The following EXOC4 variants were observed in gnomAD, a reference collection of about 807,000 sequenced individuals.
The protein encoded by EXOC4 is SEC8-like 1.
In EXOC4, 71 loss-of-function variants were observed where a neutral mutation model predicts 107.2. The ratio of observed to expected loss-of-function variants is 0.66; its 90% CI spans 0.55 to 0.81. The LOEUF (loss-of-function observed/expected upper bound fraction) is 0.81, where lower values mean the gene tolerates loss of function less well. Among genes scored for constraint, EXOC4 ranks in the 30% least tolerant of loss-of-function variants. The pLI is 0.00. For missense variants in EXOC4, 1,108 were observed against 1,189.6 expected (o/e 0.93, Z 1.01); for synonymous variants, 456 against 441.2 (o/e 1.03, Z -0.42).
At chr7:133,294,709 C>G (rs1426566922) in intron 3 of EXOC4, among the ~76,000 whole-genome samples, 1 of 151,980 alleles carries the variant, frequency 6.6e-6, no homozygotes, top group Non-Finnish European at 1.5e-5. Flanking sequence ...GTAAATGTGG[C>G]CATATCTGGG....
At chr7:133,445,131 A>G (rs770329534) in intron 7 of EXOC4, among the ~76,000 whole-genome samples, 9 of 152,158 alleles carry the variant, frequency 5.9e-5, no homozygotes, top group Non-Finnish European at 1.3e-4. Context: ...AAAGACAGCA[A>G]TTCTCAAAGT....
At chr7:133,656,938 G>C (rs1803313940) in intron 10 of EXOC4, among the ~76,000 whole-genome samples, 1 of 152,012 alleles carries the variant, frequency 6.6e-6, no homozygotes, top group Non-Finnish European at 1.5e-5. Flanking sequence ...ATGGCACTTA[G>C]GGGAACAAAA....
At chr7:133,409,624 T>TAA (rs1431322926) in intron 7 of EXOC4, among the ~76,000 whole-genome samples, 9 of 152,304 alleles carry the variant, frequency 5.9e-5, no homozygotes, top group Non-Finnish European at 1.2e-4. Context: ...TAAACTTTTC[T>TAA]TACTGTGGAA....
chr7:133,364,261 G>T (rs969448810), intron 6 of EXOC4, among the ~76,000 whole-genome samples: 2 of 151,774 alleles, frequency 1.3e-5, no homozygotes, highest in Non-Finnish European at 2.9e-5. Context: ...CTCCTGAGTA[G>T]TTGGGACTAC....
intron 9 of EXOC4, 104 bp from the exon 10 acceptor site, chr7:133,629,941 A>G (rs1253206323): frequency 4.2e-5 from 31 of 737,986 alleles, no homozygotes; most frequent in African/African-American, 2.1e-4. Flanking sequence ...GTTTGCAAAG[A>G]TGGTCCTAAT....
chr7:133,331,420 C>T (rs1164899551), intron 5 of EXOC4, among the ~76,000 whole-genome samples: 4 of 150,110 alleles, frequency 2.7e-5, no homozygotes, highest in Non-Finnish European at 4.4e-5. Flanking sequence ...TGAAAAACTA[C>T]TTATATTCTG....
intron 10 of EXOC4, among the ~76,000 whole-genome samples, chr7:133,700,274 G>A (rs765079729): frequency 1.3e-5 from 2 of 152,168 alleles, no homozygotes; most frequent in Non-Finnish European, 2.9e-5. Flanking sequence ...TATGTTAACA[G>A]AAGCCCTCTT....
chr7:133,756,482 A>G (rs933015974), intron 10 of EXOC4, among the ~76,000 whole-genome samples: 11 of 152,222 alleles, frequency 7.2e-5, no homozygotes, highest in East Asian at 3.9e-4. Context: ...CTGTGACTCT[A>G]TGATACTCTG....
chr7:133,409,449 A>T (rs536465039), intron 7 of EXOC4, among the ~76,000 whole-genome samples: 3 of 152,320 alleles, frequency 2.0e-5, no homozygotes, highest in South Asian at 4.2e-4. Flanking sequence ...TATGAGAGAC[A>T]GAATATGCTG....
intron 9 of EXOC4, among the ~76,000 whole-genome samples, chr7:133,493,309 C>A (rs371321342): frequency 6.6e-6 from 1 of 152,090 alleles, no homozygotes; most frequent in Non-Finnish European, 1.5e-5. Flanking sequence ...TGGTGGCACA[C>A]GCCTCTAGTC....
intron 11 of EXOC4, among the ~76,000 whole-genome samples, chr7:133,820,154 ATTTTTT>A (rs35640945): frequency 1.4e-5 from 1 of 70,298 alleles, no homozygotes; most frequent in Non-Finnish European, 2.8e-5. Flanking sequence ...CACCTGCTTC[ATTTTTT>A]TTTTTTTTTT....
At chr7:133,408,209 T>G (rs1797269172) in intron 7 of EXOC4, among the ~76,000 whole-genome samples, 2 of 144,368 alleles carry the variant, frequency 1.4e-5, no homozygotes, top group African/African-American at 2.6e-5. Context: ...ATGATGGAGG[T>G]ATTGGTGGTG....
chr7:133,379,926 A>G (rs1375874782), intron 7 of EXOC4, among the ~76,000 whole-genome samples: 1 of 152,156 alleles, frequency 6.6e-6, no homozygotes, highest in Non-Finnish European at 1.5e-5. Context: ...GGTGAAATTT[A>G]CAGATTAAAA....
chr7:133,695,665 C>T lies in EXOC4; in HGVS notation c.1514+65524C>T, dbSNP rs562476682. ...ATATTATTTAAGTATTGGGGTAAAA[C>T]CAAACCATCATCACCTTAAATAAGT... On this transcript the variant is annotated intron_variant, in intron 10 of 17. Coordinates refer to ENST00000253861, the MANE Select transcript of EXOC4 (RefSeq NM_021807.4). Among the ~76,000 whole-genome samples the T allele has an allele frequency of 1.8e-4, 28 of 152,148 alleles. No individual in the cohort carries two copies. The South Asian group carries it at 5.6e-3, about 30-fold the overall frequency.
intron 9 of EXOC4, among the ~76,000 whole-genome samples, chr7:133,495,169 T>C (rs191271793): frequency 2.0e-4 from 30 of 152,024 alleles, no homozygotes; most frequent in East Asian, 1.5e-3. Flanking sequence ...GGAGAATCGC[T>C]TGAGGCTGGG....
At chr7:133,805,255 A>T (rs1212659383) in intron 10 of EXOC4, among the ~76,000 whole-genome samples, 6 of 152,202 alleles carry the variant, frequency 3.9e-5, no homozygotes, top group Non-Finnish European at 8.8e-5. Context: ...CTATTGTGAA[A>T]ATGATAAATT....
chr7:133,960,745 C>T (rs1800923284), intron 14 of EXOC4, among the ~76,000 whole-genome samples: 1 of 152,176 alleles, frequency 6.6e-6, no homozygotes, highest in African/African-American at 2.4e-5. Context: ...AGTATTTTAG[C>T]ATCTATGTTC....
chr7:133,805,873 T>G (rs1797064082), intron 10 of EXOC4, among the ~76,000 whole-genome samples: 1 of 152,220 alleles, frequency 6.6e-6, no homozygotes, highest in Non-Finnish European at 1.5e-5. Context: ...GGAGATTATT[T>G]TAGGGAGGCC....
chr7:134,091,623 T>C, the EXOC4 span, among the ~76,000 whole-genome samples: 1 of 152,234 alleles, frequency 6.6e-6, no homozygotes, highest in African/African-American at 2.4e-5. Flanking sequence ...TCTGGTTCAA[T>C]GCCTCTGGCA....
Sources: allele counts gnomAD v4.1 joint callset (sites outside exome capture counted in the v4.1 genomes callset), GRCh38; gene constraint gnomAD v4.1.1; transcripts MANE v1.5; gene names NCBI Gene and HGNC (gene_info 2026-07-23, HGNC 2026-07-21).